The following ZNF804B variants were observed in gnomAD, a reference collection of about 807,000 sequenced individuals.
The protein encoded by ZNF804B is zinc finger protein 804B.
Under a neutral mutation model 101.4 loss-of-function variants are expected in ZNF804B, and 80 were observed. The observed-to-expected ratio is 0.79, with a 90% CI of 0.66 to 0.95. The LOEUF (loss-of-function observed/expected upper bound fraction) is 0.95. ZNF804B is among the 40% of genes least tolerant of loss of function. The pLI is 0.00. For missense variants in ZNF804B, 1,673 were observed against 1,561.9 expected (o/e 1.07, Z -1.20); for synonymous variants, 622 against 558.8 (o/e 1.11, Z -1.59).
intron 2 of ZNF804B, among the ~76,000 whole-genome samples, chr7:89,228,502 G>A (rs1789132108): frequency 6.6e-6 from 1 of 151,806 alleles, no homozygotes. Context: ...CCACACAAAG[G>A]TTCTCCAAGT....
At chr7:89,278,789 C>T (rs1261259030) in intron 2 of ZNF804B, among the ~76,000 whole-genome samples, 1 of 151,050 alleles carries the variant, frequency 6.6e-6, no homozygotes, top group Non-Finnish European at 1.5e-5. Context: ...TAGCATGATG[C>T]CTCCAGCTTT....
At chr7:89,303,656 G>A (rs952774488) in intron 2 of ZNF804B, among the ~76,000 whole-genome samples, 6 of 151,864 alleles carry the variant, frequency 4.0e-5, no homozygotes, top group African/African-American at 1.4e-4. Flanking sequence ...TTAAGCAAAA[G>A]TTTTGGCATT....
rs528856828 is a variant in ZNF804B at position 88,891,551 on chromosome 7, G to A, written c.108+131467G>A. On this transcript the variant is annotated intron_variant, in intron 1 of 3. Coordinates refer to ENST00000333190, the MANE Select transcript of ZNF804B (RefSeq NM_181646.5). ...AGTATTTATTGCCTTTACCTCGTTT[G>A]AATTATAAATTTGAGAACAATTCTA... 9.9e-5 allele frequency among the ~76,000 whole-genome samples: 15 copies of A among 151,418 alleles called. No individual in the cohort carries two copies. The South Asian group carries it at 2.9e-3, about 30-fold the overall frequency.
chr7:89,315,829 G>A (rs995077250), intron 2 of ZNF804B, among the ~76,000 whole-genome samples: 2 of 152,112 alleles, frequency 1.3e-5, no homozygotes, highest in African/African-American at 4.8e-5. Flanking sequence ...AATTTTATCA[G>A]TTTGGGGAAC....
Position 89,334,252 on chromosome 7 carries a change from GT to G in ZNF804B, c.1272del (p.Gln425LysfsTer4). Reference sequence around the variant, plus strand: ...TAAAACAGAAAGAGTTAGCAAAAATGTTCAAAGACTTGTAAAAGAAGCATGT... The same window carrying G: ...TAAAACAGAAAGAGTTAGCAAAAATGTCAAAGACTTGTAAAAGAAGCATGT... Reference protein sequence around the residue: ...LDKTERVSKNVQRLVKEACTH... With the variant: ...LDKTERVSKNXQRLVKEACTH... On this transcript the variant is annotated frameshift_variant, in exon 4 of 4. Transcript: ENST00000333190. LOFTEE classifies it high-confidence loss of function. The G allele has an allele frequency of 1.9e-6, 3 of 1,613,668 alleles. No homozygotes were observed. Among genetic ancestry groups the G allele is most frequent in the Non-Finnish European group, 2.5e-6 (3 of 1,179,806 alleles).
chr7:88,914,167 G>A (rs535037280), intron 1 of ZNF804B, among the ~76,000 whole-genome samples: 11 of 152,242 alleles, frequency 7.2e-5, no homozygotes, highest in Admixed American at 5.2e-4. Context: ...AACTCAGCAC[G>A]TCAGGTAATG....
At chr7:89,224,759 T>TGTGTGTGTATGA (rs1554381052) in intron 2 of ZNF804B, among the ~76,000 whole-genome samples, 17 of 40,884 alleles carry the variant, frequency 4.2e-4, no homozygotes, top group African/African-American at 1.0e-3. Flanking sequence ...TGTATGAGTG[T>TGTGTGTGTATGA]GTGTGTGTGT....
At chr7:88,903,836 A>T (rs1792428137) in intron 1 of ZNF804B, among the ~76,000 whole-genome samples, 1 of 151,176 alleles carries the variant, frequency 6.6e-6, no homozygotes, top group African/African-American at 2.4e-5. Flanking sequence ...CTCCTTATGG[A>T]CTCTGGATAT....
intron 1 of ZNF804B, among the ~76,000 whole-genome samples, chr7:88,904,075 A>G (rs1792431365): frequency 6.6e-6 from 1 of 152,100 alleles, no homozygotes. Flanking sequence ...TAGGATTCTT[A>G]TAGTTTGAGG....
chr7:89,186,396 G>A (rs2115599071), intron 1 of ZNF804B, among the ~76,000 whole-genome samples: 1 of 152,002 alleles, frequency 6.6e-6, no homozygotes, highest in African/African-American at 2.4e-5. Flanking sequence ...TTTTTATTTT[G>A]TATAGAAAAA....
chr7:88,881,484 A>G (rs1349901167), intron 1 of ZNF804B, among the ~76,000 whole-genome samples: 1 of 152,192 alleles, frequency 6.6e-6, no homozygotes, highest in Non-Finnish European at 1.5e-5. Context: ...AGAATAGAAC[A>G]ATCAGCACTC....
At chr7:89,147,653 T>A (rs1790811446) in intron 1 of ZNF804B, among the ~76,000 whole-genome samples, 1 of 151,968 alleles carries the variant, frequency 6.6e-6, no homozygotes, top group Non-Finnish European at 1.5e-5. Flanking sequence ...GAAATCTTCA[T>A]CTTTATTTAC....
At chr7:88,781,346 T>A (rs866620871) in intron 1 of ZNF804B, among the ~76,000 whole-genome samples, 20 of 152,186 alleles carry the variant, frequency 1.3e-4, no homozygotes, top group Non-Finnish European at 1.2e-4. Context: ...AGCAGAAGCC[T>A]GCTTAAGGAC....
At chr7:88,880,985 A>C (rs951628186) in intron 1 of ZNF804B, among the ~76,000 whole-genome samples, 3 of 152,068 alleles carry the variant, frequency 2.0e-5, no homozygotes, top group Admixed American at 6.6e-5. Flanking sequence ...TTATTATCTA[A>C]CCATTGCACA....
At chr7:88,798,716 A>G (rs1790531192) in intron 1 of ZNF804B, among the ~76,000 whole-genome samples, 1 of 152,152 alleles carries the variant, frequency 6.6e-6, no homozygotes, top group Non-Finnish European at 1.5e-5. Context: ...TAGAAATAGA[A>G]GCAACATGCA....
intron 1 of ZNF804B, among the ~76,000 whole-genome samples, chr7:89,124,986 T>C (rs887885183): frequency 6.6e-6 from 1 of 152,052 alleles, no homozygotes; most frequent in Non-Finnish European, 1.5e-5. Flanking sequence ...TAGCATGTGA[T>C]TGACCGTCAC....
intron 1 of ZNF804B, among the ~76,000 whole-genome samples, chr7:88,875,768 C>G (rs1405590297): frequency 6.6e-6 from 1 of 152,098 alleles, no homozygotes; most frequent in Admixed American, 6.5e-5. Context: ...TGAAACTATT[C>G]CAATCAATAG....
At chr7:89,092,084 A>C (rs1338187786) in intron 1 of ZNF804B, among the ~76,000 whole-genome samples, 1 of 152,126 alleles carries the variant, frequency 6.6e-6, no homozygotes, top group Non-Finnish European at 1.5e-5. Flanking sequence ...CTGGAGGCTG[A>C]GAAATCCAAA....
At chr7:88,846,515 C>T (rs1045301891) in intron 1 of ZNF804B, among the ~76,000 whole-genome samples, 39 of 152,104 alleles carry the variant, frequency 2.6e-4, no homozygotes, top group African/African-American at 8.7e-4. Context: ...GACATTTATC[C>T]ACACATCGAC....
Sources: allele counts gnomAD v4.1 joint callset (sites outside exome capture counted in the v4.1 genomes callset), GRCh38; gene constraint gnomAD v4.1.1; transcripts MANE v1.5; gene names NCBI Gene and HGNC (gene_info 2026-07-23, HGNC 2026-07-21).